The following ACVR2B variants were observed in gnomAD, a reference collection of about 807,000 sequenced individuals.
ACVR2B encodes activin A receptor type 2B, also known as activin receptor type-2B.
ACVR2B carries 18 observed loss-of-function variants against 65.1 expected under a neutral mutation model. That is an observed-to-expected ratio of 0.28 (90% confidence interval 0.19 to 0.41). The LOEUF (loss-of-function observed/expected upper bound fraction) is 0.41. ACVR2B is among the 10% of genes least tolerant of loss of function. The probability of loss-of-function intolerance (pLI) is 1.00; values close to 1 mark genes in which losing one functional copy is unlikely to be tolerated. For missense variants in ACVR2B, 482 were observed against 682.7 expected, an observed-to-expected ratio of 0.71 and a Z score of 3.28; for synonymous variants, 298 against 277.7, an observed-to-expected ratio of 1.07 and a Z score of -0.73.
intron 1 of ACVR2B, among the ~76,000 whole-genome samples, chr3:38,466,764 A>C (rs1709737175): frequency 6.6e-6 from 1 of 152,112 alleles, no homozygotes; most frequent in East Asian, 1.9e-4. Context: ...CAGCCTCCCA[A>C]AGTGCTGGGA....
chr3:38,460,577 C>T (rs1215005604), intron 1 of ACVR2B, among the ~76,000 whole-genome samples: 1 of 152,226 alleles, frequency 6.6e-6, no homozygotes, highest in Non-Finnish European at 1.5e-5. Flanking sequence ...TGTACACATG[C>T]ATGTGCCTTT....
At chr3:38,454,675 C>A in intron 1 of ACVR2B, 1 of 278,898 alleles carries the variant, frequency 3.6e-6, no homozygotes. Context: ...GCGTGGAACC[C>A]AGGGAAAGAG....
rs1710103402 is a variant in ACVR2B at position 38,485,521 on chromosome 3, C to CG, written c.*2193dup. 6.6e-6 allele frequency: 1 copy of CG among 152,104 alleles called. No homozygotes were observed. Among genetic ancestry groups the CG allele is most frequent in the African/African-American group, 2.4e-5 (1 of 41,384 alleles). 9.4% of individuals were successfully genotyped at this position (152,104 alleles called of 1,614,324 possible). ...GTTCAGTGTCTGGGGCTTACTGCCC[C>CG]GGGGTCCTTTCCTCTGGGTGTTGGG... On this transcript the variant is annotated 3_prime_UTR_variant, in exon 11 of 11. Transcript: ENST00000352511.
intron 7 of ACVR2B, among the ~76,000 whole-genome samples, chr3:38,480,677 G>A (rs979140481): frequency 2.6e-5 from 4 of 152,194 alleles, no homozygotes; most frequent in Non-Finnish European, 4.4e-5. Flanking sequence ...TGAAATTGCC[G>A]TTTTTATAGG....
Position 38,481,531 on chromosome 3 carries a change from C to A in ACVR2B, c.1074+66C>A. The A allele has an allele frequency of 7.4e-7, 1 of 1,351,122 alleles. No homozygotes were observed. 83.7% of individuals were successfully genotyped at this position (1,351,122 alleles called of 1,614,324 possible). A position where few individuals can be genotyped will look rare whatever the true frequency, so the allele number is the denominator to read the frequency against. On this transcript the variant is annotated intron_variant, in intron 8 of 10. Transcript: ENST00000352511. The surrounding 1 kb of genome is among the most constrained non-coding windows in gnomAD (Gnocchi z 4.7). ...GGGTAGATACTTTGCCCTTTTTGTG[C>A]TCAGCTGGGGAGGTGCAGGGATGAG...
rs1415434579 is a variant in ACVR2B at position 38,477,390 on chromosome 3, G to A, written c.156G>A (p.Glu52=). The A allele has an allele frequency of 6.2e-7, 1 of 1,614,184 alleles. No homozygotes were observed. The highest frequency in any genetic ancestry group is 1.1e-5 in the South Asian group (1 of 91,090). ...NQSGLERCEG[E]QDKRLHCYAS... The stretch of plus-strand genomic sequence containing the variant: ...GCGGCCTGGAGCGCTGCGAAGGCGA[G>A]CAGGACAAGCGGCTGCACTGCTACG... Residue 52 remains glutamate, a synonymous_variant, in exon 2 of 11, where the codon GAG becomes GAA. Coordinates refer to ENST00000352511, the MANE Select transcript of ACVR2B (RefSeq NM_001106.4). The surrounding 1 kb of genome is among the most constrained non-coding windows in gnomAD (Gnocchi z 6.7).
chr3:38,469,588 C>T (rs1048186080), intron 1 of ACVR2B, among the ~76,000 whole-genome samples: 33 of 152,030 alleles, frequency 2.2e-4, no homozygotes, highest in African/African-American at 7.2e-4. Flanking sequence ...GGCATTTATA[C>T]CATCCTGTTC....
rs1710129950 is a variant in ACVR2B at position 38,486,783 on chromosome 3, G to A, written c.*3451G>A. ...TGGGCCTTGGGGAAGAATCTTCTTT[G>A]AAAGCATCTATGATAACTGAGAAGT... On this transcript the variant is annotated 3_prime_UTR_variant, in exon 11 of 11. Coordinates refer to ENST00000352511, the MANE Select transcript of ACVR2B (RefSeq NM_001106.4). 1 of 152,222 alleles carries A rather than the reference G, an allele frequency of 6.6e-6. No homozygotes were observed. Among genetic ancestry groups the A allele is most frequent in the Non-Finnish European group, 1.5e-5 (1 of 68,070 alleles). The allele number at this position is 152,222 out of a possible 1,614,324, so 9.4% of individuals were successfully genotyped here.
chr3:38,478,869 T>C (rs1402446197), intron 5 of ACVR2B, among the ~76,000 whole-genome samples: 3 of 152,116 alleles, frequency 2.0e-5, no homozygotes, highest in African/African-American at 7.2e-5. Flanking sequence ...TGGACCTTAG[T>C]GGCCCCATTT....
chr3:38,469,736 G>A (rs1709789768), intron 1 of ACVR2B, among the ~76,000 whole-genome samples: 1 of 152,138 alleles, frequency 6.6e-6, no homozygotes, highest in Non-Finnish European at 1.5e-5. Context: ...AACAGAAAAG[G>A]CCCCACTGAA....
intron 1 of ACVR2B, among the ~76,000 whole-genome samples, chr3:38,470,766 A>G (rs1474978729): frequency 6.6e-6 from 1 of 152,224 alleles, no homozygotes; most frequent in Non-Finnish European, 1.5e-5. Flanking sequence ...GATGGTAGAG[A>G]TGTTGATTTA....
chr3:38,459,525 G>T (rs917850443), intron 1 of ACVR2B: 2 of 955,992 alleles, frequency 2.1e-6, no homozygotes, highest in African/African-American at 3.5e-5. Flanking sequence ...AGGAGCTAAG[G>T]CTAGCCCTGT....
At chr3:38,478,614 A>T in intron 5 of ACVR2B, 96 bp downstream of exon 5, 1 of 1,537,660 alleles carries the variant, frequency 6.5e-7, no homozygotes, top group Non-Finnish European at 8.9e-7. Context: ...CCCAAATAAT[A>T]TTGTGGTATG....
At position 38,482,511 on chromosome 3, in the gene ACVR2B, T is replaced by C; in HGVS notation, c.1295T>C (p.Val432Ala). ...PSLEELQEVV[V>A]HKKMRPTIKD... Reference sequence around the variant, plus strand: ...TTGGAGGAGCTGCAGGAGGTGGTGGTGCACAAGAAGATGAGGCCCACCATT... The same window carrying C: ...TTGGAGGAGCTGCAGGAGGTGGTGGCGCACAAGAAGATGAGGCCCACCATT... Residue 432 changes from valine to alanine, a missense_variant, in exon 10 of 11, where the codon GTG (valine) becomes GCG (alanine). This residue lies in a region of ACVR2B where 223 missense variants were observed against 386.3 expected (regional missense o/e 0.58). Coordinates refer to ENST00000352511, the MANE Select transcript of ACVR2B (RefSeq NM_001106.4). The C allele has an allele frequency of 1.2e-6, 2 of 1,611,962 alleles. No individual in the cohort carries two copies. Among genetic ancestry groups the C allele is most frequent in the South Asian group, 1.1e-5 (1 of 90,712 alleles).
Position 38,483,208 on chromosome 3 carries a change from G to A in ACVR2B, c.1415G>A (p.Gly472Asp), listed in dbSNP as rs919145368. The A allele has an allele frequency of 3.7e-6, 6 of 1,614,112 alleles. No homozygotes were observed. Among genetic ancestry groups the A allele is most frequent in the Non-Finnish European group, 5.1e-6 (6 of 1,180,026 alleles). ...DHDAEARLSA[G>D]CVEERVSLIR... ...GATGCAGAGGCTCGCTTGTCCGCGGGCTGTGTGGAGGAGCGGGTGTCCCTG... is the reference window on the plus strand; with the variant it reads ...GATGCAGAGGCTCGCTTGTCCGCGGACTGTGTGGAGGAGCGGGTGTCCCTG... The change falls in exon 11 of 11, where the codon GGC (glycine) becomes GAC (aspartate). Residue 472 changes from glycine (G) to aspartate (D), a missense_variant. Gly to Asp is a moderately conservative substitution (Grantham distance 94, BLOSUM62 -1). Transcript: ENST00000352511. This position sits in a 1 kb window ranked among gnomAD's most constrained non-coding sequence, Gnocchi z 4.8.
rs1406432807 is a variant in ACVR2B, at chr3:38,486,900, CAAT to C, written c.*3569_*3571del. 6.6e-6 allele frequency: 1 copy of C among 152,340 alleles called. No individual in the cohort carries two copies. Among genetic ancestry groups the C allele is most frequent in the African/African-American group, 2.4e-5 (1 of 41,448 alleles). The allele number at this position is 152,340 out of a possible 1,614,324, so 9.4% of individuals were successfully genotyped here. A position where few individuals can be genotyped will look rare whatever the true frequency, so the allele number is the denominator to read the frequency against. On this transcript the variant is annotated 3_prime_UTR_variant, in exon 11 of 11. Transcript: ENST00000352511. ...ATTACAGTGTCACGCAGAGGGCCCTCAATGATGGGGCATTGGGGAAGGCTGTAG... is the reference window on the plus strand; with the variant it reads ...ATTACAGTGTCACGCAGAGGGCCCTCGATGGGGCATTGGGGAAGGCTGTAG...
rs1413794113 is a variant in ACVR2B, at chr3:38,478,299, C to CAGT, written c.522+8_522+10dup. 1.9e-6 allele frequency: 3 copies of CAGT among 1,613,842 alleles called. No individual in the cohort carries two copies. The Admixed American group carries it at 5.0e-5, about 27-fold the overall frequency. Reference sequence around the variant, plus strand: ...TCATGTGGACATCCATGAGGTGAGACAGTGCTGGCTTGGGGCAGGGCAGGA... The same window carrying CAGT: ...TCATGTGGACATCCATGAGGTGAGACAGTAGTGCTGGCTTGGGGCAGGGCAGGA... On this transcript the variant is annotated splice_region_variant and intron_variant, in intron 4 of 10. Coordinates refer to ENST00000352511, the MANE Select transcript of ACVR2B (RefSeq NM_001106.4).
rs1322201224 is a variant in ACVR2B at position 38,487,113 on chromosome 3, A to G, written c.*3781A>G. 6.6e-6 allele frequency: 1 copy of G among 152,506 alleles called. No homozygotes were observed. The highest frequency in any genetic ancestry group is 6.5e-5 in the Admixed American group (1 of 15,294). The allele number at this position is 152,506 out of a possible 1,614,324, so 9.4% of individuals were successfully genotyped here. On this transcript the variant is annotated 3_prime_UTR_variant, in exon 11 of 11. Coordinates refer to ENST00000352511, the MANE Select transcript of ACVR2B (RefSeq NM_001106.4). ...GCATTATTAGCCTTTGTTGTCCAGC[A>G]TGGCCTTCTTGTCCTGTCTGCTCTG...
At chr3:38,457,227 T>C (rs1459571325) in intron 1 of ACVR2B, among the ~76,000 whole-genome samples, 1 of 152,174 alleles carries the variant, frequency 6.6e-6, no homozygotes, top group Admixed American at 6.5e-5. Context: ...TTTCACTGAA[T>C]TTGATATATA....
Sources: allele counts gnomAD v4.1 joint callset (sites outside exome capture counted in the v4.1 genomes callset), GRCh38; gene constraint gnomAD v4.1.1; regional missense constraint gnomAD v4.1.1; non-coding constraint Gnocchi (gnomAD v3.1); transcripts MANE v1.5; gene names NCBI Gene and HGNC (gene_info 2026-07-23, HGNC 2026-07-21).